The following RIGI variants were observed in gnomAD, a reference collection of about 807,000 sequenced individuals.
RIGI encodes the protein RNA sensor RIG-I, also known as antiviral innate immune response receptor RIG-I.
chr9:32,519,952 C>T, the RIGI span, among the ~76,000 whole-genome samples: 5 of 152,190 alleles, frequency 3.3e-5, no homozygotes, highest in Admixed American at 6.5e-5. Context: ...AATCAGTTGT[C>T]AGTACTTTAT....
At chr9:32,466,654 T>C in the RIGI span, among the ~76,000 whole-genome samples, 5 of 124,256 alleles carry the variant, frequency 4.0e-5, no homozygotes, top group African/African-American at 1.6e-4. Flanking sequence ...ATTACACCAC[T>C]GCACTCTAGC....
the RIGI span, chr9:32,487,663 T>C: frequency 2.6e-5 from 41 of 1,605,596 alleles, no homozygotes; most frequent in Non-Finnish European, 3.5e-5. Context: ...TCATTAGATG[T>C]CTGAGAAATG....
At chr9:32,461,950 T>C in the RIGI span, among the ~76,000 whole-genome samples, 6 of 152,222 alleles carry the variant, frequency 3.9e-5, no homozygotes, top group Non-Finnish European at 7.3e-5. Context: ...GTTTAAAATA[T>C]TCAGTCATTC....
At chr9:32,463,441 A>G in the RIGI span, among the ~76,000 whole-genome samples, 8 of 152,252 alleles carry the variant, frequency 5.3e-5, no homozygotes, top group Non-Finnish European at 1.0e-4. Flanking sequence ...GGTTACCAGG[A>G]AAGAAGGTGA....
chr9:32,462,392 A>AC, the RIGI span, among the ~76,000 whole-genome samples: 1 of 150,170 alleles, frequency 6.7e-6, no homozygotes, highest in Non-Finnish European at 1.5e-5. Flanking sequence ...ATAAAAAAAA[A>AC]ATTAGATCTA....
chr9:32,491,713 CAAA>C, the RIGI span, among the ~76,000 whole-genome samples: 44 of 100,378 alleles, frequency 4.4e-4, no homozygotes, highest in Admixed American at 8.3e-4. Context: ...TCGTATGCAC[CAAA>C]AAAAAAAAAA....
At chr9:32,461,474 G>GATCCAGACAGCCTAGGTGCAA in the RIGI span, among the ~76,000 whole-genome samples, 2 of 152,210 alleles carry the variant, frequency 1.3e-5, no homozygotes, top group Non-Finnish European at 2.9e-5. Flanking sequence ...GTCCCAGGTG[G>GATCCAGACAGCCTAGGTGCAA]ATCCAGACAG....
At chr9:32,494,660 T>G in the RIGI span, among the ~76,000 whole-genome samples, 3 of 152,182 alleles carry the variant, frequency 2.0e-5, no homozygotes, top group African/African-American at 7.2e-5. Context: ...TCTAAAACTC[T>G]ATGAAACAAC....
chr9:32,466,187 T>C, the RIGI span: 2 of 1,213,166 alleles, frequency 1.6e-6, no homozygotes, highest in Non-Finnish European at 2.3e-6. Flanking sequence ...CTTTTTGTTG[T>C]AATATAACAC....
the RIGI span, among the ~76,000 whole-genome samples, chr9:32,486,628 A>G: frequency 3.6e-3 from 543 of 152,152 alleles, 6 homozygotes; most frequent in Admixed American, 7.5e-3. Flanking sequence ...AAAAGAAAAA[A>G]AAAAAAGAGC....
At chr9:32,524,461 T>G in the RIGI span, among the ~76,000 whole-genome samples, 2 of 152,140 alleles carry the variant, frequency 1.3e-5, no homozygotes, top group Non-Finnish European at 2.9e-5. Context: ...TTTAGTTTTG[T>G]AGAGCAATTA....
At chr9:32,472,026 G>A in the RIGI span, among the ~76,000 whole-genome samples, 1 of 152,124 alleles carries the variant, frequency 6.6e-6, no homozygotes, top group African/African-American at 2.4e-5. Context: ...GGGGTGGGGG[G>A]CACAGCTGTG....
the RIGI span, chr9:32,467,932 C>T: frequency 6.3e-7 from 1 of 1,582,266 alleles, no homozygotes. Flanking sequence ...GAGGGTCATT[C>T]CTGTGTCAGA....
At chr9:32,497,639 C>T in the RIGI span, among the ~76,000 whole-genome samples, 2 of 152,062 alleles carry the variant, frequency 1.3e-5, no homozygotes, top group Non-Finnish European at 2.9e-5. Flanking sequence ...CCCAGCTACT[C>T]GGGAGGCTGA....
At chr9:32,511,237 T>C in the RIGI span, among the ~76,000 whole-genome samples, 2 of 152,322 alleles carry the variant, frequency 1.3e-5, no homozygotes, top group South Asian at 4.1e-4. Flanking sequence ...AAAGCTGACC[T>C]AGTAGACATC....
the RIGI span, chr9:32,498,435 T>C: frequency 1.8e-5 from 8 of 446,596 alleles, no homozygotes; most frequent in Non-Finnish European, 3.2e-5. Context: ...TTCCTGCTTC[T>C]GGCCCGAGGC....
chr9:32,460,243 G>A, the RIGI span, among the ~76,000 whole-genome samples: 1 of 152,116 alleles, frequency 6.6e-6, no homozygotes, highest in Non-Finnish European at 1.5e-5. Flanking sequence ...AAACCTCTTT[G>A]TTTTCCCAAT....
chr9:32,514,846 C>A, the RIGI span, among the ~76,000 whole-genome samples: 1 of 152,114 alleles, frequency 6.6e-6, no homozygotes, highest in Non-Finnish European at 1.5e-5. Flanking sequence ...ACAAGAACTC[C>A]TTTTTTTAAG....
At chr9:32,494,692 C>T in the RIGI span, among the ~76,000 whole-genome samples, 1 of 152,006 alleles carries the variant, frequency 6.6e-6, no homozygotes, top group African/African-American at 2.4e-5. Flanking sequence ...CTCTCCTCAC[C>T]CCTGCTCCTG....
Sources: allele counts gnomAD v4.1 joint callset (sites outside exome capture counted in the v4.1 genomes callset), GRCh38; gene constraint gnomAD v4.1.1; transcripts MANE v1.5; gene names NCBI Gene and HGNC (gene_info 2026-07-23, HGNC 2026-07-21).